Variants in FRAS1 observed in about 807,000 individuals in gnomAD.
FRAS1 encodes extracellular matrix organizing protein FRAS1.
Under a neutral mutation model 435.2 loss-of-function variants are expected in FRAS1, and 290 were observed. The observed-to-expected ratio is 0.67, with a 90% CI of 0.61 to 0.73. The LOEUF (loss-of-function observed/expected upper bound fraction) is 0.73, where lower values mean the gene tolerates loss of function less well. FRAS1 is among the 30% of genes least tolerant of loss of function. The pLI is 0.00. For synonymous variants in FRAS1, 1,800 were observed against 1,851.0 expected (o/e 0.97, Z 0.71); for missense variants, 4,860 against 5,001.5 (o/e 0.97, Z 0.85).
At chr4:78,173,116 C>T (rs983991167) in intron 2 of FRAS1, among the ~76,000 whole-genome samples, 1 of 152,196 alleles carries the variant, frequency 6.6e-6, no homozygotes, top group South Asian at 2.1e-4. Context: ...TTTGTGTCTC[C>T]ATGCTGTCAG....
At position 78,508,897 on chromosome 4, in the gene FRAS1, C is replaced by T; in HGVS notation, c.9671C>T (p.Thr3224Ile). 6.2e-7 allele frequency: 1 copy of T among 1,613,960 alleles called. No homozygotes were observed. Among genetic ancestry groups the T allele is most frequent in the Middle Eastern group, 1.6e-4 (1 of 6,062 alleles). The change falls in exon 63 of 74, where the codon ACA becomes ATA. Residue 3224 changes from threonine to isoleucine, a missense_variant. By Grantham distance (89) the Thr-to-Ile change is moderately conservative. Transcript: ENST00000512123. ...TGCAGTGAGGCCGGCATCAACCAGA[C>T]ATCTGTGCAGTTCAGCTGGGAAGTG... ...ERCSEAGINQTSVQFSWEVAA... is the reference protein window; with the variant it reads ...ERCSEAGINQISVQFSWEVAA...
intron 54 of FRAS1, among the ~76,000 whole-genome samples, chr4:78,477,064 C>A (rs2109855654): frequency 6.6e-6 from 1 of 151,070 alleles, no homozygotes; most frequent in African/African-American, 2.4e-5. Context: ...AAAATAATTT[C>A]TCTGTTTTGT....
chr4:78,323,798 C>T (rs1223036877), intron 18 of FRAS1, among the ~76,000 whole-genome samples: 1 of 152,184 alleles, frequency 6.6e-6, no homozygotes, highest in African/African-American at 2.4e-5. Flanking sequence ...TTAAATTGCT[C>T]AGCTCAGCCT....
At chr4:78,463,913 A>G in intron 47 of FRAS1, 108 bp from the exon 48 acceptor site, 1 of 1,257,162 alleles carries the variant, frequency 8.0e-7, no homozygotes, top group Non-Finnish European at 1.1e-6. Context: ...GCTATAAGAA[A>G]AATACAAAGG....
chr4:78,156,543 G>T (rs1186345436), intron 2 of FRAS1, among the ~76,000 whole-genome samples: 2 of 152,026 alleles, frequency 1.3e-5, no homozygotes, highest in African/African-American at 4.8e-5. Context: ...TGCCCACCTG[G>T]TCAATGGAGG....
chr4:78,080,611 T>A lies in FRAS1; in HGVS notation c.108+14595T>A, dbSNP rs567209194. Reference sequence around the variant, plus strand: ...ATACTGTGTGAAATAATATTTTCTATGCTCAGTTCTGCTTTTGTCATAATT... The same window carrying A: ...ATACTGTGTGAAATAATATTTTCTAAGCTCAGTTCTGCTTTTGTCATAATT... On this transcript the variant is annotated intron_variant, in intron 2 of 73. Transcript: ENST00000512123. Among the ~76,000 whole-genome samples, 121 of 152,306 alleles carry A rather than the reference T, an allele frequency of 7.9e-4. 1 individual carries two copies. Among genetic ancestry groups the A allele is most frequent in the Middle Eastern group, 3.4e-3 (1 of 294 alleles).
intron 32 of FRAS1, among the ~76,000 whole-genome samples, chr4:78,415,181 A>G (rs1009955395): frequency 6.6e-6 from 1 of 152,172 alleles, no homozygotes; most frequent in African/African-American, 2.4e-5. Flanking sequence ...ATGAGTGAGA[A>G]CATACAATGT....
chr4:78,258,093 C>A (rs1725872287), intron 6 of FRAS1, among the ~76,000 whole-genome samples: 1 of 152,150 alleles, frequency 6.6e-6, no homozygotes, highest in South Asian at 2.1e-4. Flanking sequence ...GTGATCCCAG[C>A]ACTTTGGGAA....
chr4:78,432,822 C>T lies in FRAS1; in HGVS notation c.5217+218C>T, dbSNP rs192989693. 7.2e-5 allele frequency among the ~76,000 whole-genome samples: 11 copies of T among 152,248 alleles called. 1 individual carries two copies. The highest frequency in any genetic ancestry group is 2.4e-4 in the African/African-American group (10 of 41,530). On this transcript the variant is annotated intron_variant, in intron 38 of 73. Coordinates refer to ENST00000512123, the MANE Select transcript of FRAS1 (RefSeq NM_025074.7). ...GAGCAGACAAGTGAATGAGAAAACA[C>T]GATGAGTATGTGTAGGGATGGGTGT...
chr4:78,156,754 T>C (rs573226633), intron 2 of FRAS1, among the ~76,000 whole-genome samples: 1 of 152,294 alleles, frequency 6.6e-6, no homozygotes, highest in South Asian at 2.1e-4. Context: ...AACAATCACT[T>C]TGGGGATCCG....
At chr4:78,308,688 C>A (rs1344594991) in intron 15 of FRAS1, among the ~76,000 whole-genome samples, 2 of 152,226 alleles carry the variant, frequency 1.3e-5, no homozygotes, top group Non-Finnish European at 2.9e-5. Context: ...CACCCATGGC[C>A]ATAACAATGA....
intron 2 of FRAS1, among the ~76,000 whole-genome samples, chr4:78,144,967 C>A (rs1720356786): frequency 1.3e-5 from 2 of 152,042 alleles, no homozygotes; most frequent in Admixed American, 6.6e-5. Context: ...GATTTATTTT[C>A]TTAGGATAAA....
chr4:78,316,756 AT>A (rs1396018395), intron 16 of FRAS1, among the ~76,000 whole-genome samples: 1 of 152,188 alleles, frequency 6.6e-6, no homozygotes, highest in Admixed American at 6.5e-5. Flanking sequence ...AAATCCTAGA[AT>A]GTCAAAGCTG....
intron 49 of FRAS1, among the ~76,000 whole-genome samples, chr4:78,465,879 A>G (rs144288669): frequency 2.0e-4 from 30 of 152,196 alleles, no homozygotes; most frequent in Admixed American, 2.0e-3. Context: ...TTTTGGGTAG[A>G]TGTAGGGGAA....
chr4:78,520,659 G>A (rs1214615679), intron 67 of FRAS1, among the ~76,000 whole-genome samples: 1 of 152,036 alleles, frequency 6.6e-6, no homozygotes, highest in African/African-American at 2.4e-5. Flanking sequence ...TAGTTGTTAT[G>A]CTATATTGTT....
chr4:78,474,777 G>T (rs914155843), intron 53 of FRAS1, among the ~76,000 whole-genome samples: 1 of 152,166 alleles, frequency 6.6e-6, no homozygotes, highest in African/African-American at 2.4e-5. Context: ...CCCAGCTCAT[G>T]CCCTACTTTC....
At chr4:78,480,436 G>A (rs1311757821) in intron 56 of FRAS1, among the ~76,000 whole-genome samples, 4 of 152,218 alleles carry the variant, frequency 2.6e-5, no homozygotes, top group Non-Finnish European at 5.9e-5. Context: ...TTGATGGCAG[G>A]CAGGGCTGTG....
At position 78,522,739 on chromosome 4, in the gene FRAS1, A is replaced by G; in HGVS notation, c.10739A>G (p.Gln3580Arg). The change falls in exon 69 of 74, where the codon CAG becomes CGG. Residue 3580 changes from glutamine to arginine, a missense_variant. Physicochemically the swap from Gln to Arg is conservative, Grantham distance 43. Coordinates refer to ENST00000512123, the MANE Select transcript of FRAS1 (RefSeq NM_025074.7). ...CTAGGAGGAATTGAATTTGACTTGC[A>G]GCTATTATGGAGCGCTCAGACTTTT... is the stretch of plus-strand genomic sequence containing the variant. ...DHLGGIEFDL[Q>R]LLWSAQTFDS... is the part of the protein sequence containing the mutation. 1 of 1,612,580 alleles carries G rather than the reference A, an allele frequency of 6.2e-7. No individual in the cohort carries two copies. The highest frequency in any genetic ancestry group is 8.5e-7 in the Non-Finnish European group (1 of 1,179,254).
intron 15 of FRAS1, among the ~76,000 whole-genome samples, chr4:78,314,782 G>A (rs1046406007): frequency 2.6e-5 from 4 of 152,114 alleles, no homozygotes; most frequent in African/African-American, 9.7e-5. Context: ...AGCCTGACAT[G>A]GTCCTACTGC....
Sources: gnomAD v4.1 joint callset for allele counts (sites outside exome capture counted in the v4.1 genomes callset) on GRCh38, gnomAD v4.1.1 for gene constraint, MANE v1.5 for transcripts, NCBI Gene and HGNC (gene_info 2026-07-23, HGNC 2026-07-21) for gene names.